Variants in CAMTA1 observed in about 807,000 individuals in gnomAD.
CAMTA1 encodes the protein calmodulin binding transcription activator 1.
Under a neutral mutation model 170.9 loss-of-function variants are expected in CAMTA1, and 27 were observed. The ratio of observed to expected loss-of-function variants is 0.16; its 90% CI spans 0.12 to 0.22. CAMTA1 has a LOEUF of 0.22. CAMTA1 is among the 10% of genes least tolerant of loss of function. CAMTA1 has a pLI of 1.00. For synonymous variants in CAMTA1, 833 were observed against 891.5 expected, an observed-to-expected ratio of 0.93 and a Z score of 1.17; for missense variants, 1,619 against 2,217.2, an observed-to-expected ratio of 0.73 and a Z score of 5.42.
At chr1:7,260,898 G>A (rs1668065521) in intron 5 of CAMTA1, among the ~76,000 whole-genome samples, 1 of 152,208 alleles carries the variant, frequency 6.6e-6, no homozygotes, top group African/African-American at 2.4e-5. Context: ...TGTAAGAAAT[G>A]TTGACTCTTC....
At chr1:7,676,189 C>G (rs1416287361) in intron 10 of CAMTA1, among the ~76,000 whole-genome samples, 2 of 152,244 alleles carry the variant, frequency 1.3e-5, no homozygotes, top group Admixed American at 6.5e-5. Context: ...AGCTTGGAGA[C>G]CCGCCCAGGG....
chr1:7,155,226 G>T, intron 4 of CAMTA1, among the ~76,000 whole-genome samples: 1 of 152,066 alleles, frequency 6.6e-6, no homozygotes. Flanking sequence ...AGGTGGCCTC[G>T]GGGGGAAGGG....
chr1:7,211,852 C>T (rs1658827186), intron 4 of CAMTA1, among the ~76,000 whole-genome samples: 1 of 152,166 alleles, frequency 6.6e-6, no homozygotes, highest in Admixed American at 6.5e-5. Flanking sequence ...TATATCCACA[C>T]CTACTTCTAA....
At position 7,113,921 on chromosome 1, in the gene CAMTA1, C is replaced by T. The variant is rs115740518; in HGVS notation, c.302+22550C>T. On this transcript the variant is annotated intron_variant, in intron 4 of 22. Coordinates refer to ENST00000303635, the MANE Select transcript of CAMTA1 (RefSeq NM_015215.4). The surrounding 1 kb of genome is among the most constrained non-coding windows in gnomAD (Gnocchi z 4.5). ...ACACAGGAAACCTTGGCTTTGTGGC[C>T]GTATTGGTCTTTCTTTACATCATCG... is the stretch of plus-strand genomic sequence containing the variant. Among the ~76,000 whole-genome samples, 24 of 152,200 alleles carry T rather than the reference C, an allele frequency of 1.6e-4. No individual in the cohort carries two copies. The highest frequency in any genetic ancestry group is 3.2e-4 in the Non-Finnish European group (22 of 68,002).
At chr1:7,528,833 GAATGAAGT>G (rs141036536) in intron 6 of CAMTA1, among the ~76,000 whole-genome samples, 21,990 of 151,084 alleles carry the variant, frequency 0.15, 1,704 homozygotes, top group Non-Finnish European at 0.16. Context: ...ATGAATGAAT[GAATGAAGT>G]GAGTGAATGA....
At position 7,121,485 on chromosome 1, in the gene CAMTA1, C is replaced by G. The variant is rs986521752; in HGVS notation, c.302+30114C>G. On this transcript the variant is annotated intron_variant, in intron 4 of 22. Transcript: ENST00000303635. ...ACACTTTCCCACAGAAATGGTCAGT[C>G]ACAAAAGAACTGGAGAACTCTTGCG... Among the ~76,000 whole-genome samples, 24 of 152,218 alleles carry G rather than the reference C, an allele frequency of 1.6e-4. 1 individual carries two copies. The highest frequency in any genetic ancestry group is 5.5e-4 in the African/African-American group (23 of 41,458).
At chr1:7,655,467 AC>A (rs1302764341) in intron 7 of CAMTA1, among the ~76,000 whole-genome samples, 1 of 125,316 alleles carries the variant, frequency 8.0e-6, no homozygotes, top group Non-Finnish European at 1.7e-5. Flanking sequence ...ACACAAACAC[AC>A]CCACCTATAC....
At chr1:6,946,166 T>C (rs1224383011) in intron 3 of CAMTA1, among the ~76,000 whole-genome samples, 1 of 151,540 alleles carries the variant, frequency 6.6e-6, no homozygotes, top group Non-Finnish European at 1.5e-5. Flanking sequence ...CCTCAGGTGA[T>C]ATTATTGTCT....
intron 6 of CAMTA1, among the ~76,000 whole-genome samples, chr1:7,471,849 T>C (rs1557770061): frequency 6.6e-6 from 1 of 152,238 alleles, no homozygotes; most frequent in Non-Finnish European, 1.5e-5. Context: ...CATGTGCCCC[T>C]TTCTCCTGGT....
intron 3 of CAMTA1, among the ~76,000 whole-genome samples, chr1:6,910,039 A>G (rs1679368042): frequency 6.6e-6 from 1 of 152,220 alleles, no homozygotes; most frequent in Non-Finnish European, 1.5e-5. Flanking sequence ...ACAATGTGCC[A>G]TTGTGGAATT....
intron 3 of CAMTA1, among the ~76,000 whole-genome samples, chr1:6,880,684 C>T (rs976879627): frequency 6.6e-6 from 1 of 152,212 alleles, no homozygotes; most frequent in Non-Finnish European, 1.5e-5. Flanking sequence ...GCCATTATGT[C>T]CGGCCTCTAA....
intron 6 of CAMTA1, among the ~76,000 whole-genome samples, chr1:7,518,322 T>C (rs979437016): frequency 6.6e-6 from 1 of 151,914 alleles, no homozygotes; most frequent in Non-Finnish European, 1.5e-5. Context: ...ATGGCTTCCA[T>C]CCCTAATATG....
At chr1:7,684,224 G>A (rs780172909) in intron 11 of CAMTA1, among the ~76,000 whole-genome samples, 70 of 152,334 alleles carry the variant, frequency 4.6e-4, no homozygotes, top group South Asian at 4.1e-4. Context: ...AGTTGACTCT[G>A]TGGAGGACGC....
chr1:7,498,963 G>A (rs972928607), intron 6 of CAMTA1, among the ~76,000 whole-genome samples: 2 of 137,940 alleles, frequency 1.4e-5, no homozygotes, highest in Non-Finnish European at 3.1e-5. Flanking sequence ...GTGTAGAGAG[G>A]ATTGTGTGAG....
chr1:7,351,308 A>G (rs1417157491), intron 5 of CAMTA1, among the ~76,000 whole-genome samples: 2 of 152,234 alleles, frequency 1.3e-5, no homozygotes, highest in Middle Eastern at 3.2e-3. Context: ...CGCACTCAGG[A>G]GCTGGAAATA....
Position 7,655,227 on chromosome 1 carries a change from C to T in CAMTA1, c.665-6499C>T, listed in dbSNP as rs951840473. ...ACACACAAACACACCCATCTATACA[C>T]ACACACACCTATACACACACACCTA... On this transcript the variant is annotated intron_variant, in intron 7 of 22. Coordinates refer to ENST00000303635, the MANE Select transcript of CAMTA1 (RefSeq NM_015215.4). Among the ~76,000 whole-genome samples, 292 of 149,126 alleles carry T rather than the reference C, an allele frequency of 2.0e-3. 4 individuals are homozygous for T. Among genetic ancestry groups the T allele is most frequent in the African/African-American group, 6.9e-3 (276 of 40,110 alleles).
intron 3 of CAMTA1, among the ~76,000 whole-genome samples, chr1:6,854,104 T>C (rs1383641731): frequency 6.6e-6 from 1 of 152,232 alleles, no homozygotes; most frequent in Non-Finnish European, 1.5e-5. Flanking sequence ...ACTACTGTCC[T>C]GTGCTTCATA....
At chr1:7,004,789 A>T (rs1018464390) in intron 3 of CAMTA1, among the ~76,000 whole-genome samples, 21 of 152,024 alleles carry the variant, frequency 1.4e-4, no homozygotes, top group African/African-American at 4.8e-4. Context: ...TGATTTGGAG[A>T]TGGAGTCTCT....
In CAMTA1 at chr1:7,144,744, A is replaced by G. The variant is rs1247079716; in HGVS notation, c.302+53373A>G. ...CTGGTAATCTCTATAAGCATCCCAAACTAGTATTGATTGACGTCATTTTGG... is the reference window on the plus strand; with the variant it reads ...CTGGTAATCTCTATAAGCATCCCAAGCTAGTATTGATTGACGTCATTTTGG... On this transcript the variant is annotated intron_variant, in intron 4 of 22. Transcript: ENST00000303635. The surrounding 1 kb of genome is among the most constrained non-coding windows in gnomAD (Gnocchi z 4.0). Among the ~76,000 whole-genome samples the G allele has an allele frequency of 6.6e-6, 1 of 152,182 alleles. No individual in the cohort carries two copies. The highest frequency in any genetic ancestry group is 1.5e-5 in the Non-Finnish European group (1 of 68,026).
Sources: allele counts gnomAD v4.1 joint callset (sites outside exome capture counted in the v4.1 genomes callset), GRCh38; gene constraint gnomAD v4.1.1; non-coding constraint Gnocchi (gnomAD v3.1); transcripts MANE v1.5; gene names NCBI Gene and HGNC (gene_info 2026-07-23, HGNC 2026-07-21).